HYDIN: variants seen among roughly 807,000 people sequenced by gnomAD.
HYDIN encodes axonemal central pair apparatus protein HYDIN.
HYDIN carries 132 observed loss-of-function variants against 403.9 expected under a neutral mutation model. That is an observed-to-expected ratio of 0.33 (90% confidence interval 0.28 to 0.38). The LOEUF is 0.38. HYDIN is among the 10% of genes least tolerant of loss of function. The pLI is 1.00. For synonymous variants in HYDIN, 1,202 were observed against 1,891.7 expected (o/e 0.64, Z 9.46); for missense variants, 2,827 against 5,009.5 (o/e 0.56, Z 13.15).
At chr16:70,881,182 C>T (rs1353247485) in intron 60 of HYDIN, among the ~76,000 whole-genome samples, 1 of 132,468 alleles carries the variant, frequency 7.5e-6, no homozygotes, top group African/African-American at 3.8e-5. Context: ...GCCATGATGG[C>T]GCCATTGCAC....
intron 18 of HYDIN, among the ~76,000 whole-genome samples, chr16:71,046,573 G>C (rs557469074): frequency 6.6e-6 from 1 of 152,080 alleles, no homozygotes; most frequent in Non-Finnish European, 1.5e-5. Flanking sequence ...ACATACTCCA[G>C]GTGCCATCCT....
chr16:71,167,613 G>A (rs537610296), intron 5 of HYDIN, among the ~76,000 whole-genome samples: 1 of 152,178 alleles, frequency 6.6e-6, no homozygotes, highest in South Asian at 2.1e-4. Context: ...CCCAAATAAG[G>A]AAGGTTTGAA....
chr16:71,015,298 T>A (rs2080221777), intron 23 of HYDIN, among the ~76,000 whole-genome samples: 1 of 151,992 alleles, frequency 6.6e-6, no homozygotes, highest in Non-Finnish European at 1.5e-5. Context: ...AACGGTTAAA[T>A]AAATGCTTAA....
At chr16:70,945,556 C>G (rs1567880855) in intron 41 of HYDIN, among the ~76,000 whole-genome samples, 1 of 152,096 alleles carries the variant, frequency 6.6e-6, no homozygotes, top group Non-Finnish European at 1.5e-5. Flanking sequence ...AGATCGCCTG[C>G]AAAGACAATG....
intron 47 of HYDIN, among the ~76,000 whole-genome samples, chr16:70,915,156 C>T (rs2076800103): frequency 6.6e-6 from 1 of 151,674 alleles, no homozygotes; most frequent in Non-Finnish European, 1.5e-5. Context: ...GGGATTTCTT[C>T]TTGGTTTGAA....
intron 41 of HYDIN, among the ~76,000 whole-genome samples, chr16:70,949,127 C>T (rs2077978479): frequency 6.6e-6 from 1 of 151,938 alleles, no homozygotes; most frequent in Admixed American, 6.6e-5. Context: ...ACTATGCAGC[C>T]ATAAAAAATG....
intron 45 of HYDIN, among the ~76,000 whole-genome samples, chr16:70,931,209 TG>T (rs150352545): frequency 3.0e-4 from 25 of 82,692 alleles, no homozygotes; most frequent in African/African-American, 7.1e-4. Context: ...CTCTTTCTTC[TG>T]TTTTTTTTTT....
chr16:70,949,224 C>T (rs1240745574), intron 41 of HYDIN, among the ~76,000 whole-genome samples: 29 of 147,506 alleles, frequency 2.0e-4, no homozygotes, highest in East Asian at 6.1e-4. Flanking sequence ...AAACAAACAC[C>T]GCATATTCTC....
intron 3 of HYDIN, among the ~76,000 whole-genome samples, chr16:71,183,775 G>C (rs150916846): frequency 8.5e-5 from 13 of 152,210 alleles, no homozygotes; most frequent in African/African-American, 2.9e-4. Flanking sequence ...ACCCATCTAA[G>C]AGATAAATGA....
At chr16:70,909,142 AT>A (rs1339263326) in intron 47 of HYDIN, among the ~76,000 whole-genome samples, 2 of 151,126 alleles carry the variant, frequency 1.3e-5, no homozygotes, top group Non-Finnish European at 2.9e-5. Context: ...GACAGCGGGG[AT>A]TGTAGCCTTC....
At chr16:71,043,358 T>G (rs1239152146) in intron 18 of HYDIN, among the ~76,000 whole-genome samples, 1 of 150,818 alleles carries the variant, frequency 6.6e-6, no homozygotes, top group African/African-American at 2.4e-5. Context: ...TTCCTTCAAT[T>G]ATTTCTTGGG....
At chr16:70,976,491 T>A (rs1300988387) in intron 30 of HYDIN, among the ~76,000 whole-genome samples, 1 of 151,028 alleles carries the variant, frequency 6.6e-6, no homozygotes, top group African/African-American at 2.4e-5. Flanking sequence ...CAAATCTACA[T>A]GTGATAAAAT....
At chr16:70,831,505 T>A in intron 80 of HYDIN, among the ~76,000 whole-genome samples, 1 of 113,356 alleles carries the variant, frequency 8.8e-6, no homozygotes. Flanking sequence ...TGAGACTCTG[T>A]CTCAGAAAAA....
At chr16:70,921,753 T>C (rs1043150035) in intron 45 of HYDIN, among the ~76,000 whole-genome samples, 2 of 152,178 alleles carry the variant, frequency 1.3e-5, no homozygotes, top group Non-Finnish European at 2.9e-5. Flanking sequence ...CAACAGTGCC[T>C]TTTCAGTTAT....
At chr16:70,820,289 C>T (rs1414603242) in intron 83 of HYDIN, among the ~76,000 whole-genome samples, 1 of 137,430 alleles carries the variant, frequency 7.3e-6, no homozygotes, top group Non-Finnish European at 1.5e-5. Context: ...CTCCTGGTTT[C>T]ATGTCATTCT....
At chr16:70,861,435 G>A (rs1427447598) in intron 69 of HYDIN, among the ~76,000 whole-genome samples, 1 of 152,186 alleles carries the variant, frequency 6.6e-6, no homozygotes, top group Non-Finnish European at 1.5e-5. Flanking sequence ...TAAGGTGATT[G>A]TACTCCTTCA....
intron 23 of HYDIN, among the ~76,000 whole-genome samples, chr16:71,014,355 C>T (rs1447790582): frequency 2.8e-5 from 3 of 107,362 alleles, no homozygotes; most frequent in Non-Finnish European, 5.1e-5. Context: ...GCTGACATAC[C>T]CTCCGCCAAC....
intron 73 of HYDIN, among the ~76,000 whole-genome samples, chr16:70,853,059 T>C (rs2038771700): frequency 6.6e-6 from 1 of 150,638 alleles, no homozygotes; most frequent in African/African-American, 2.4e-5. Context: ...TGCGTGCCTG[T>C]AGCCTTAGCT....
chr16:70,866,143 G>A, intron 67 of HYDIN, 26 bp downstream of exon 67: 2 of 1,608,390 alleles, frequency 1.2e-6, no homozygotes, highest in Non-Finnish European at 1.7e-6. Flanking sequence ...TTTCCATCTA[G>A]TATCACGAGA....
Sources: allele counts gnomAD v4.1 joint callset (sites outside exome capture counted in the v4.1 genomes callset), GRCh38; gene constraint gnomAD v4.1.1; transcripts MANE v1.5; gene names NCBI Gene and HGNC (gene_info 2026-07-23, HGNC 2026-07-21).